The following BRWD3 variants were observed in gnomAD, a reference collection of about 807,000 sequenced individuals.
BRWD3 encodes the protein bromodomain and WD repeat-containing protein 3.
A neutral mutation model predicts 149.7 loss-of-function variants in BRWD3; 10 were observed. The ratio of observed to expected loss-of-function variants is 0.07; its 90% CI spans 0.04 to 0.11. The LOEUF is 0.11. Ranked by LOEUF, BRWD3 falls within the 10% of genes least tolerant of loss-of-function variation. The probability of loss-of-function intolerance (pLI) is 1.00; values close to 1 mark genes in which losing one functional copy is unlikely to be tolerated. For missense variants in BRWD3, 940 were observed against 1,373.2 expected (o/e 0.68, Z 4.99); for synonymous variants, 504 against 456.7 (o/e 1.10, Z -1.32).
intron 27 of BRWD3, among the ~76,000 whole-genome samples, chrX:80,694,378 GGAGCCCCCATACA>G (rs1189265477): frequency 8.9e-6 from 1 of 111,947 alleles, no homozygotes; most frequent in East Asian, 2.8e-4. Context: ...ATTTGGGGTT[GGAGCCCCCATACA>G]GAGCCCCCAC....
At chrX:80,755,793 G>A (rs1243760968) in intron 6 of BRWD3, among the ~76,000 whole-genome samples, 1 of 111,755 alleles carries the variant, frequency 8.9e-6, no homozygotes, top group Non-Finnish European at 1.9e-5. Context: ...CTATTACATA[G>A]CAATCAATAA....
rs1344878944 is a variant in BRWD3 at position 80,745,583 on chromosome X, T to C, written c.577A>G (p.Arg193Gly). 3 of 1,207,110 alleles carry C rather than the reference T, an allele frequency of 2.5e-6. No homozygotes were observed. The highest frequency in any genetic ancestry group is 3.4e-6 in the Non-Finnish European group (3 of 893,789). The stretch of plus-strand genomic sequence containing the variant: ...TTTACACTCACTGTAAAAATTCTTC[T>C]CCCGCTTCGGTCAAATGCTACACAG... The part of the protein sequence containing the change: ...VYCVAFDRSG[R>G]RIFTGSDDCL... The change falls in exon 7 of 41, where the codon AGA becomes GGA. Residue 193 changes from arginine to glycine, a missense_variant. Arg to Gly is a moderately radical substitution (Grantham distance 125). Coordinates refer to ENST00000373275, the MANE Select transcript of BRWD3 (RefSeq NM_153252.5).
chrX:80,724,774 G>A (rs1007661773), intron 15 of BRWD3, among the ~76,000 whole-genome samples, 159 bp downstream of exon 15: 7 of 111,150 alleles, frequency 6.3e-5, no homozygotes, highest in Non-Finnish European at 1.1e-4. Flanking sequence ...GGCTCAACTG[G>A]CCTTATTCTC....
chrX:80,788,119 A>G (rs996497764), intron 6 of BRWD3, among the ~76,000 whole-genome samples: 27 of 103,002 alleles, frequency 2.6e-4, no homozygotes, highest in Non-Finnish European at 4.8e-4. Flanking sequence ...TAAATAAATA[A>G]ATAAATAAAT....
chrX:80,764,483 T>C (rs1355025413), intron 6 of BRWD3, among the ~76,000 whole-genome samples: 3 of 109,608 alleles, frequency 2.7e-5, no homozygotes, highest in Non-Finnish European at 3.8e-5. Context: ...TTTTTTTTTT[T>C]TTTGTATTTT....
chrX:80,704,295 C>T (rs1009208562), intron 23 of BRWD3, among the ~76,000 whole-genome samples: 1 of 111,053 alleles, frequency 9.0e-6, no homozygotes, highest in Non-Finnish European at 1.9e-5. Flanking sequence ...TACAATTTAT[C>T]ATACTCTTCC....
At position 80,684,161 on chromosome X, in the gene BRWD3, T is replaced by C. The variant is rs749298460; in HGVS notation, c.4082A>G (p.Asp1361Gly). ...ERQQDSSLSE[D>G]YQDVIDTPVD... ...AGGAGTATCTATAACATCTTGATAA[T>C]CCTACAAAGAAGAATGTGTTATTAA... Residue 1361 changes from aspartate (D) to glycine (G), a missense_variant and splice_region_variant, in exon 37 of 41, where the codon GAT becomes GGT. Asp to Gly is a moderately conservative substitution (Grantham distance 94). Coordinates refer to ENST00000373275, the MANE Select transcript of BRWD3 (RefSeq NM_153252.5). 19 of 1,198,203 alleles carry C rather than the reference T, an allele frequency of 1.6e-5. No homozygotes were observed. Among genetic ancestry groups the C allele is most frequent in the Non-Finnish European group, 1.7e-5 (15 of 884,045 alleles).
At chrX:80,733,938 T>G (rs977986522) in intron 11 of BRWD3, among the ~76,000 whole-genome samples, 180 bp downstream of exon 11, 7 of 111,649 alleles carry the variant, frequency 6.3e-5, no homozygotes, top group African/African-American at 2.3e-4. Flanking sequence ...GGTAATCTTC[T>G]TTTAGAATAA....
intron 8 of BRWD3, among the ~76,000 whole-genome samples, chrX:80,742,527 G>A (rs1413231723): frequency 9.1e-6 from 1 of 110,121 alleles, no homozygotes; most frequent in African/African-American, 3.3e-5. Context: ...TCCTACCCAT[G>A]AGCATGGAAT....
intron 8 of BRWD3, among the ~76,000 whole-genome samples, chrX:80,740,964 G>A (rs2073482149): frequency 9.0e-6 from 1 of 110,746 alleles, no homozygotes; most frequent in Non-Finnish European, 1.9e-5. Flanking sequence ...CAACATGCAG[G>A]TTTGTTACAT....
intron 20 of BRWD3, among the ~76,000 whole-genome samples, chrX:80,711,822 T>G (rs1431224718): frequency 9.0e-6 from 1 of 111,709 alleles, no homozygotes; most frequent in East Asian, 2.8e-4. Flanking sequence ...TTGTCCTGCC[T>G]TTCTGTACTA....
chrX:80,729,666 G>A (rs1291888893), intron 13 of BRWD3, among the ~76,000 whole-genome samples: 1 of 111,113 alleles, frequency 9.0e-6, no homozygotes, highest in Non-Finnish European at 1.9e-5. Flanking sequence ...GGCTCTGTAG[G>A]CATCAGTAGA....
intron 8 of BRWD3, among the ~76,000 whole-genome samples, chrX:80,742,128 T>C (rs1175377714): frequency 9.0e-6 from 1 of 111,153 alleles, no homozygotes; most frequent in Non-Finnish European, 1.9e-5. Context: ...TTTCTACATA[T>C]GGCTAGCCAG....
intron 6 of BRWD3, among the ~76,000 whole-genome samples, chrX:80,771,211 A>G (rs1048062299): frequency 9.0e-6 from 1 of 111,489 alleles, no homozygotes; most frequent in Non-Finnish European, 1.9e-5. Flanking sequence ...ATCCCCATCA[A>G]CCTACCAATA....
chrX:80,754,201 T>C (rs745428884), intron 6 of BRWD3, among the ~76,000 whole-genome samples: 7 of 112,153 alleles, frequency 6.2e-5, no homozygotes, highest in Non-Finnish European at 1.3e-4. Flanking sequence ...CTAAGTGTTC[T>C]GTAGTTTTCT....
chrX:80,690,940 T>C, intron 31 of BRWD3, 113 bp downstream of exon 31: 1 of 887,551 alleles, frequency 1.1e-6, no homozygotes, highest in Non-Finnish European at 1.6e-6. Context: ...AAGGAAATTT[T>C]GGTGTGGGTC....
intron 20 of BRWD3, chrX:80,710,228 G>T: frequency 2.4e-6 from 1 of 416,832 alleles, no homozygotes; most frequent in Non-Finnish European, 4.5e-6. Context: ...ACCACTTCCT[G>T]TGTCTTCTCT....
chrX:80,716,125 T>C (rs1330265308), intron 20 of BRWD3, 32 bp downstream of exon 20: 1 of 1,088,115 alleles, frequency 9.2e-7, no homozygotes, highest in South Asian at 1.8e-5. Flanking sequence ...CTGCAAATAG[T>C]GTATCCCAAA....
At chrX:80,730,822 T>C (rs1293124672) in intron 12 of BRWD3, among the ~76,000 whole-genome samples, 1 of 112,250 alleles carries the variant, frequency 8.9e-6, no homozygotes, top group Non-Finnish European at 1.9e-5. Flanking sequence ...TGAATTGAAC[T>C]ACATATGTTT....
Sources: gnomAD v4.1 joint callset for allele counts (sites outside exome capture counted in the v4.1 genomes callset) on GRCh38, gnomAD v4.1.1 for gene constraint, MANE v1.5 for transcripts, NCBI Gene and HGNC (gene_info 2026-07-23, HGNC 2026-07-21) for gene names.